Variants in PHACTR1 observed in about 807,000 individuals in gnomAD.
PHACTR1 encodes the protein phosphatase and actin regulator 1.
Under a neutral mutation model 69.2 loss-of-function variants are expected in PHACTR1, and 16 were observed. The observed-to-expected ratio is 0.23, with a 90% CI of 0.16 to 0.35. The LOEUF (loss-of-function observed/expected upper bound fraction) is 0.35, where lower values mean the gene tolerates loss of function less well. Ranked by LOEUF, PHACTR1 falls within the 10% of genes least tolerant of loss-of-function variation. The pLI, the probability that PHACTR1 is intolerant of heterozygous loss-of-function variation, is 1.00. For synonymous variants in PHACTR1, 312 were observed against 284.5 expected, an observed-to-expected ratio of 1.10 and a Z score of -0.97; for missense variants, 510 against 734.7, an observed-to-expected ratio of 0.69 and a Z score of 3.54.
At chr6:12,835,479 T>C (rs1331323994) in intron 4 of PHACTR1, among the ~76,000 whole-genome samples, 1 of 152,154 alleles carries the variant, frequency 6.6e-6, no homozygotes, top group East Asian at 1.9e-4. Context: ...TTATTGGCTT[T>C]AATTTTCTTT....
At chr6:12,826,125 T>C (rs1233828126) in intron 4 of PHACTR1, among the ~76,000 whole-genome samples, 1 of 152,156 alleles carries the variant, frequency 6.6e-6, no homozygotes, top group East Asian at 1.9e-4. Flanking sequence ...ATGCAGACAT[T>C]TGGCTGAGTG....
chr6:12,834,903 AG>A (rs1777985239), intron 4 of PHACTR1, among the ~76,000 whole-genome samples: 1 of 128,990 alleles, frequency 7.8e-6, no homozygotes, highest in Non-Finnish European at 1.8e-5. Context: ...GATTACTATC[AG>A]TGGTGGAAGC....
intron 8 of PHACTR1, among the ~76,000 whole-genome samples, chr6:13,225,952 C>T (rs1769586470): frequency 6.6e-6 from 1 of 152,204 alleles, no homozygotes; most frequent in Admixed American, 6.5e-5. Flanking sequence ...AGGGTGGGCA[C>T]CAAGTCCCCA....
intron 4 of PHACTR1, among the ~76,000 whole-genome samples, chr6:12,753,586 G>T (rs958413093): frequency 1.3e-5 from 2 of 152,120 alleles, no homozygotes; most frequent in Non-Finnish European, 2.9e-5. Flanking sequence ...TATCAGAATT[G>T]CTTTGTATGG....
At chr6:13,285,579 G>A (rs1781507726) in intron 13 of PHACTR1, among the ~76,000 whole-genome samples, 2 of 152,156 alleles carry the variant, frequency 1.3e-5, no homozygotes, top group African/African-American at 4.8e-5. Context: ...AGGATGGGGT[G>A]ATTCGGGATC....
intron 3 of PHACTR1, among the ~76,000 whole-genome samples, chr6:12,742,110 G>A (rs1365230944): frequency 1.3e-5 from 2 of 152,140 alleles, no homozygotes; most frequent in Non-Finnish European, 2.9e-5. Context: ...TTTTTATAAA[G>A]GGAAAGCAAG....
chr6:13,053,599 T>G, intron 5 of PHACTR1, 70 bp downstream of exon 5: 1 of 1,517,064 alleles, frequency 6.6e-7, no homozygotes, highest in East Asian at 2.4e-5. Context: ...TTAACAGAAT[T>G]TAATTGCAAT....
intron 4 of PHACTR1, among the ~76,000 whole-genome samples, chr6:12,996,955 C>T (rs1301675117): frequency 1.3e-5 from 2 of 152,098 alleles, no homozygotes; most frequent in African/African-American, 4.8e-5. Flanking sequence ...CACCTGAGGT[C>T]AGGAGTTTGA....
rs769236603 is a variant in PHACTR1 at position 13,278,394 on chromosome 6, C to T, written c.1509+65C>T. On this transcript the variant is annotated intron_variant, in intron 12 of 14. Transcript: ENST00000332995. ...GTGGGCTGCCTGCCACACCTCTGCCCTCTGCTGGCCTCAGTGGCCTCACCG... is the reference window on the plus strand; with the variant it reads ...GTGGGCTGCCTGCCACACCTCTGCCTTCTGCTGGCCTCAGTGGCCTCACCG... 5 of 1,458,900 alleles carry T rather than the reference C, an allele frequency of 3.4e-6. No homozygotes were observed. In the African/African-American group the frequency reaches 7.1e-5, roughly 21 times the overall value. The allele number at this position is 1,458,900 out of a possible 1,614,324, so 90.4% of individuals were successfully genotyped here. A position where few individuals can be genotyped will look rare whatever the true frequency, so the allele number is the denominator to read the frequency against.
At chr6:13,277,053 A>C (rs900148001) in intron 11 of PHACTR1, among the ~76,000 whole-genome samples, 1 of 152,200 alleles carries the variant, frequency 6.6e-6, no homozygotes, top group African/African-American at 2.4e-5. Flanking sequence ...GCTGACTTCC[A>C]TAGTTTTTCC....
At chr6:12,953,275 A>G (rs890069177) in intron 4 of PHACTR1, among the ~76,000 whole-genome samples, 4 of 152,212 alleles carry the variant, frequency 2.6e-5, no homozygotes, top group Non-Finnish European at 4.4e-5. Context: ...GTGAGCCGAG[A>G]TCGCGGCACT....
In PHACTR1 at chr6:12,767,097, A is replaced by C. The variant is rs144570506; in HGVS notation, c.250+17307A>C. 7.0e-3 allele frequency among the ~76,000 whole-genome samples: 1,072 copies of C among 152,356 alleles called. 16 individuals carry two copies. Among genetic ancestry groups the C allele is most frequent in the African/African-American group, 0.024 (982 of 41,584 alleles). On this transcript the variant is annotated intron_variant, in intron 4 of 14. Transcript: ENST00000332995. ...ATGGATTGCCTTTTGCAGTCCATTC[A>C]ATAATACGTCAGGTGGGTCAGCGTC... is the stretch of plus-strand genomic sequence containing the variant.
At chr6:12,729,459 G>A (rs1314891208) in intron 3 of PHACTR1, among the ~76,000 whole-genome samples, 1 of 152,120 alleles carries the variant, frequency 6.6e-6, no homozygotes, top group African/African-American at 2.4e-5. Flanking sequence ...CCTGTGACAA[G>A]GCATGAACAG....
chr6:13,065,761 A>T (rs984930905), intron 5 of PHACTR1, among the ~76,000 whole-genome samples: 7 of 152,188 alleles, frequency 4.6e-5, no homozygotes, highest in Admixed American at 4.6e-4. Flanking sequence ...TAAGCCAAAT[A>T]AATATATTTG....
At chr6:13,122,770 C>T (rs1005085350) in intron 5 of PHACTR1, among the ~76,000 whole-genome samples, 19 of 152,174 alleles carry the variant, frequency 1.2e-4, no homozygotes, top group Non-Finnish European at 1.5e-5. Flanking sequence ...TTAGGGCCAT[C>T]GGAAGGACCA....
chr6:12,934,237 G>T (rs1250611114), intron 4 of PHACTR1, among the ~76,000 whole-genome samples: 2 of 152,142 alleles, frequency 1.3e-5, no homozygotes, highest in Non-Finnish European at 2.9e-5. Flanking sequence ...CCTTTGTCCA[G>T]GTCAGTCTCT....
At chr6:13,137,343 T>C (rs1453147129) in intron 5 of PHACTR1, among the ~76,000 whole-genome samples, 1 of 152,226 alleles carries the variant, frequency 6.6e-6, no homozygotes, top group Non-Finnish European at 1.5e-5. Flanking sequence ...AAGATGTACC[T>C]AGGCATTGAG....
At chr6:13,232,750 G>T (rs149038334) in intron 10 of PHACTR1, among the ~76,000 whole-genome samples, 62 of 152,172 alleles carry the variant, frequency 4.1e-4, no homozygotes, top group Admixed American at 1.5e-3. Context: ...TCTCGGTTCT[G>T]AGGGTGGTTG....
At chr6:12,942,264 T>G (rs572976591) in intron 4 of PHACTR1, among the ~76,000 whole-genome samples, 38 of 152,342 alleles carry the variant, frequency 2.5e-4, no homozygotes, top group African/African-American at 9.1e-4. Flanking sequence ...TATTTCCATA[T>G]GATTATGTGC....
Sources: allele counts gnomAD v4.1 joint callset (sites outside exome capture counted in the v4.1 genomes callset), GRCh38; gene constraint gnomAD v4.1.1; transcripts MANE v1.5; gene names NCBI Gene and HGNC (gene_info 2026-07-23, HGNC 2026-07-21).